The following DLG2 variants were observed in gnomAD, a reference collection of about 807,000 sequenced individuals.
DLG2 encodes discs large MAGUK scaffold protein 2.
Under a neutral mutation model 132.5 loss-of-function variants are expected in DLG2, and 45 were observed. The observed-to-expected ratio is 0.34, with a 90% CI of 0.27 to 0.44. The LOEUF is 0.44. Ranked by LOEUF, DLG2 falls within the 20% of genes least tolerant of loss-of-function variation. DLG2 has a pLI of 1.00. For missense variants in DLG2, 1,045 were observed against 1,196.9 expected, an observed-to-expected ratio of 0.87 and a Z score of 1.87; for synonymous variants, 424 against 419.6, an observed-to-expected ratio of 1.01 and a Z score of -0.13.
chr11:83,771,863 A>T (rs1247427799), intron 18 of DLG2, among the ~76,000 whole-genome samples: 2 of 152,230 alleles, frequency 1.3e-5, no homozygotes, highest in Admixed American at 1.3e-4. Context: ...GATTATAAAT[A>T]TCTTTATATG....
intron 16 of DLG2, among the ~76,000 whole-genome samples, chr11:83,861,077 C>G (rs1427263012): frequency 6.6e-5 from 10 of 152,090 alleles, no homozygotes; most frequent in Admixed American, 6.6e-4. Flanking sequence ...TAAAAATTCA[C>G]TAATATATGC....
intron 8 of DLG2, among the ~76,000 whole-genome samples, chr11:84,174,014 C>T (rs75118163): frequency 2.1e-4 from 13 of 61,220 alleles, no homozygotes; most frequent in Admixed American, 5.3e-4. Flanking sequence ...ACCCCCCGGC[C>T]TTTTTTTTTT....
chr11:84,165,877 G>A (rs1201804662), intron 8 of DLG2, among the ~76,000 whole-genome samples: 3 of 152,030 alleles, frequency 2.0e-5, no homozygotes, highest in African/African-American at 4.8e-5. Flanking sequence ...CAGCCTGGGT[G>A]AAAGAGTGAG....
chr11:84,525,002 A>G (rs1050934395), intron 7 of DLG2, among the ~76,000 whole-genome samples: 2 of 152,092 alleles, frequency 1.3e-5, no homozygotes, highest in African/African-American at 4.8e-5. Context: ...AGTTATGAAA[A>G]TAGAAGCTCC....
chr11:85,405,651 T>A (rs1175706777), intron 3 of DLG2, among the ~76,000 whole-genome samples: 2 of 151,974 alleles, frequency 1.3e-5, no homozygotes, highest in East Asian at 3.9e-4. Flanking sequence ...ATTTTACAGA[T>A]TAGAAAGGGG....
chr11:85,581,625 C>CA (rs1408331301), intron 3 of DLG2, among the ~76,000 whole-genome samples: 3 of 151,670 alleles, frequency 2.0e-5, no homozygotes, highest in South Asian at 2.1e-4. Flanking sequence ...TTAAAACAAA[C>CA]AAAAAAACAA....
At position 85,330,790 on chromosome 11, in the gene DLG2, ATT is replaced by A. The variant is rs1470472464; in HGVS notation, c.41-45427_41-45426del. Among the ~76,000 whole-genome samples the A allele has an allele frequency of 7.0e-5, 7 of 99,772 alleles. No homozygotes were observed. The East Asian group carries it at 1.3e-3, about 18-fold the overall frequency. 65.5% of individuals were successfully genotyped at this position (99,772 alleles called of 152,430 possible). A position where few individuals can be genotyped will look rare whatever the true frequency, so the allele number is the denominator to read the frequency against. ...CTTAGAGTATAATAAAAAAAAAAAA[ATT>A]AAAAAAAAAAAAAAAAAAAAGAAAA... On this transcript the variant is annotated intron_variant, in intron 3 of 27. Coordinates refer to ENST00000376104, the MANE Select transcript of DLG2 (RefSeq NM_001142699.3).
intron 3 of DLG2, among the ~76,000 whole-genome samples, chr11:85,534,968 C>T (rs923447102): frequency 1.3e-5 from 2 of 152,174 alleles, no homozygotes; most frequent in East Asian, 1.9e-4. Flanking sequence ...AGTGTATTAG[C>T]GTTCCCTTTT....
intron 8 of DLG2, among the ~76,000 whole-genome samples, chr11:84,183,161 T>C (rs1271108023): frequency 2.6e-5 from 4 of 152,074 alleles, no homozygotes; most frequent in African/African-American, 9.7e-5. Flanking sequence ...TAACAATCAT[T>C]TCATGAATAA....
chr11:85,621,023 G>A (rs756686202), intron 2 of DLG2, among the ~76,000 whole-genome samples: 3 of 152,212 alleles, frequency 2.0e-5, no homozygotes, highest in Non-Finnish European at 4.4e-5. Context: ...GCTAATGGGT[G>A]AATGTAGCTG....
intron 18 of DLG2, among the ~76,000 whole-genome samples, chr11:83,684,986 A>G (rs73509224): frequency 2.6e-3 from 401 of 152,280 alleles, no homozygotes; most frequent in African/African-American, 9.0e-3. Context: ...TTGAAGCTGT[A>G]TCAATATTTT....
At chr11:84,429,325 G>A (rs1307051738) in intron 7 of DLG2, among the ~76,000 whole-genome samples, 1 of 152,182 alleles carries the variant, frequency 6.6e-6, no homozygotes, top group Non-Finnish European at 1.5e-5. Flanking sequence ...AAATGTTTGA[G>A]TGGGGAGGAA....
At chr11:84,452,082 G>A (rs1165863487) in intron 7 of DLG2, among the ~76,000 whole-genome samples, 1 of 149,046 alleles carries the variant, frequency 6.7e-6, no homozygotes, top group Non-Finnish European at 1.5e-5. Flanking sequence ...AATTGTAATT[G>A]TTCCTGTATT....
At chr11:85,461,632 A>G (rs1157537846) in intron 3 of DLG2, among the ~76,000 whole-genome samples, 1 of 152,060 alleles carries the variant, frequency 6.6e-6, no homozygotes, top group African/African-American at 2.4e-5. Flanking sequence ...CATGGGGAAT[A>G]CTCCTTGATC....
chr11:84,929,598 G>C (rs902114918), intron 6 of DLG2, among the ~76,000 whole-genome samples: 1 of 152,140 alleles, frequency 6.6e-6, no homozygotes, highest in African/African-American at 2.4e-5. Flanking sequence ...CTGAACTGTT[G>C]AAAACTTTTG....
At chr11:84,333,978 G>T (rs937883867) in intron 7 of DLG2, among the ~76,000 whole-genome samples, 7 of 152,146 alleles carry the variant, frequency 4.6e-5, no homozygotes, top group African/African-American at 1.4e-4. Flanking sequence ...AGAGGGTGAG[G>T]TATCTGCTAC....
intron 4 of DLG2, among the ~76,000 whole-genome samples, chr11:85,205,511 T>C (rs778719322): frequency 6.6e-6 from 1 of 152,130 alleles, no homozygotes; most frequent in Admixed American, 6.6e-5. Context: ...ATTCATTGTG[T>C]ATGTATGTCA....
intron 10 of DLG2, among the ~76,000 whole-genome samples, chr11:84,075,374 T>C (rs1273991322): frequency 6.6e-6 from 1 of 152,206 alleles, no homozygotes; most frequent in Non-Finnish European, 1.5e-5. Context: ...TTGACCATTT[T>C]ATCATTAATG....
intron 11 of DLG2, among the ~76,000 whole-genome samples, chr11:84,034,861 G>A (rs2095818749): frequency 6.6e-6 from 1 of 152,120 alleles, no homozygotes; most frequent in Non-Finnish European, 1.5e-5. Context: ...TTTTTCTGGG[G>A]AACATTTTGC....
Sources: gnomAD v4.1 joint callset for allele counts (sites outside exome capture counted in the v4.1 genomes callset) on GRCh38, gnomAD v4.1.1 for gene constraint, MANE v1.5 for transcripts, NCBI Gene and HGNC (gene_info 2026-07-23, HGNC 2026-07-21) for gene names.